SMG1: variants seen among roughly 807,000 people sequenced by gnomAD.
SMG1 encodes SMG1 nonsense mediated mRNA decay associated PI3K related kinase, also known as serine/threonine-protein kinase SMG1.
A neutral mutation model predicts 419.9 loss-of-function variants in SMG1; 22 were observed. That is an observed-to-expected ratio of 0.05 (90% CI 0.04 to 0.07). The LOEUF is 0.07. SMG1 is among the 10% of genes least tolerant of loss of function. The probability of loss-of-function intolerance (pLI) is 1.00; values close to 1 mark genes in which losing one functional copy is unlikely to be tolerated. For synonymous variants in SMG1, 1,538 were observed against 1,553.5 expected (o/e 0.99, Z 0.23); for missense variants, 3,185 against 4,342.0 (o/e 0.73, Z 7.49).
At chr16:18,895,649 CA>C (rs1596617250) in intron 3 of SMG1, among the ~76,000 whole-genome samples, 1 of 150,618 alleles carries the variant, frequency 6.6e-6, no homozygotes, top group Admixed American at 6.6e-5. Flanking sequence ...ACCTACATAA[CA>C]AACCTGTACA....
At chr16:18,904,654 A>G (rs2037487008) in intron 1 of SMG1, among the ~76,000 whole-genome samples, 2 of 140,940 alleles carry the variant, frequency 1.4e-5, no homozygotes, top group Admixed American at 1.4e-4. Context: ...AATAAAATAA[A>G]GGCCGGGTGA....
intron 49 of SMG1, among the ~76,000 whole-genome samples, chr16:18,834,650 C>T (rs1327606350): frequency 2.0e-5 from 3 of 152,128 alleles, no homozygotes. Flanking sequence ...TGGTGGCACA[C>T]ACCTGTAGTC....
rs182083896 is a variant in SMG1, at chr16:18,861,080, A to C, written c.3696-304T>G. The C allele has an allele frequency of 2.5e-5, 7 of 274,578 alleles. No individual in the cohort carries two copies. The East Asian group carries it at 5.7e-4, about 23-fold the overall frequency. 17.0% of individuals were successfully genotyped at this position (274,578 alleles called of 1,614,324 possible). ...TTGCAGCCTGTTCTCTTCAGATCCT[A>C]ACACACTGACAGTAGACCTCTGCAG... On this transcript the variant is annotated intron_variant, in intron 25 of 62. Coordinates refer to ENST00000446231, the MANE Select transcript of SMG1 (RefSeq NM_015092.5).
chr16:18,859,328 A>G (rs2035088083), intron 27 of SMG1, 147 bp from the exon 28 acceptor site: 1 of 652,758 alleles, frequency 1.5e-6, no homozygotes, highest in Non-Finnish European at 2.6e-6. Context: ...AAATGATATT[A>G]GCAAGTCAAG....
chr16:18,885,814 A>G (rs1265985449), intron 6 of SMG1, 148 bp from the exon 7 acceptor site: 2 of 694,948 alleles, frequency 2.9e-6, no homozygotes, highest in Non-Finnish European at 4.5e-6. Flanking sequence ...AAAAAAAAAA[A>G]TTGACTTGTA....
At chr16:18,841,465 T>C (rs1030341834) in intron 41 of SMG1, 100 bp downstream of exon 41, 1 of 1,075,180 alleles carries the variant, frequency 9.3e-7, no homozygotes, top group Non-Finnish European at 1.4e-6. Flanking sequence ...TTTCCTTCTT[T>C]AACTGCTTAT....
In SMG1 at chr16:18,809,409, G is replaced by A. The variant is rs1309209194; in HGVS notation, c.*160C>T. On this transcript the variant is annotated 3_prime_UTR_variant, in exon 63 of 63. Coordinates refer to ENST00000446231, the MANE Select transcript of SMG1 (RefSeq NM_015092.5). ...GTATCCCTGAGTGCAGCTGTCCTGC[G>A]GGATTCACTTCCTAGTGCACCGAGA... 4.7e-6 allele frequency: 3 copies of A among 636,882 alleles called. No individual in the cohort carries two copies. The highest frequency in any genetic ancestry group is 2.5e-5 in the Admixed American group (1 of 39,760). The allele number at this position is 636,882 out of a possible 1,614,324, so 39.5% of individuals were successfully genotyped here.
At chr16:18,900,172 A>AT (rs5816016) in intron 1 of SMG1, 37,507 of 533,174 alleles carry the variant, frequency 0.07, 1,699 homozygotes, top group African/African-American at 0.16. Flanking sequence ...GGGTTCATAC[A>AT]TTAAAGCAAA....
Position 18,838,598 on chromosome 16 carries a change from G to A in SMG1, c.7037C>T (p.Thr2346Met), listed in dbSNP as rs781293265. The change falls in exon 43 of 63, where the codon ACG becomes ATG. Residue 2346 changes from threonine (T) to methionine (M), a missense_variant. This residue lies in a region of SMG1 where 60 missense variants were observed against 133.9 expected (regional missense o/e 0.45). Coordinates refer to ENST00000446231, the MANE Select transcript of SMG1 (RefSeq NM_015092.5). Reference protein sequence around the residue: ...RHLDNVLIDMTTGEVVHIDYN... With the variant: ...RHLDNVLIDMMTGEVVHIDYN... ...ATCTATGTGAACAACTTCTCCAGTC[G>A]TCATATCTATAAGAACATTATCCAG... is the stretch of plus-strand genomic sequence containing the variant. 22 of 1,613,138 alleles carry A rather than the reference G, an allele frequency of 1.4e-5. No individual in the cohort carries two copies. Among genetic ancestry groups the A allele is most frequent in the Admixed American group, 3.3e-5 (2 of 59,972 alleles).
At chr16:18,839,431 A>G (rs779326574) in intron 42 of SMG1, among the ~76,000 whole-genome samples, 4 of 152,116 alleles carry the variant, frequency 2.6e-5, no homozygotes, top group Non-Finnish European at 5.9e-5. Context: ...CTTATAAGTG[A>G]GAACATGCGG....
rs1266490080 is a variant in SMG1, at chr16:18,808,096, T to C, written c.*1473A>G. On this transcript the variant is annotated 3_prime_UTR_variant, in exon 63 of 63. Coordinates refer to ENST00000446231, the MANE Select transcript of SMG1 (RefSeq NM_015092.5). Reference sequence around the variant, plus strand: ...ATTTTAATTGTGTTCTATTTTGTATTGATACTTGATTTTAAGAACCCTATT... The same window carrying C: ...ATTTTAATTGTGTTCTATTTTGTATCGATACTTGATTTTAAGAACCCTATT... 1 of 152,238 alleles carries C rather than the reference T, an allele frequency of 6.6e-6. No individual in the cohort carries two copies. Among genetic ancestry groups the C allele is most frequent in the Non-Finnish European group, 1.5e-5 (1 of 68,050 alleles). 9.4% of individuals were successfully genotyped at this position (152,238 alleles called of 1,614,324 possible).
intron 2 of SMG1, 115 bp downstream of exon 2, chr16:18,896,678 A>C: frequency 2.9e-6 from 2 of 681,254 alleles, no homozygotes; most frequent in East Asian, 5.6e-5. Context: ...TGCATTTGTT[A>C]TTCATATTTT....
At position 18,805,639 on chromosome 16, in the gene SMG1, A is replaced by C. The variant is rs889149456; in HGVS notation, c.*3930T>G. The stretch of plus-strand genomic sequence containing the variant: ...CCCAACGTTTGGAAAAAATTGGGAC[A>C]CTTGCTAGTTCTTCCCTGTGGGAAG... On this transcript the variant is annotated 3_prime_UTR_variant, in exon 63 of 63. Coordinates refer to ENST00000446231, the MANE Select transcript of SMG1 (RefSeq NM_015092.5). 2 of 152,204 alleles carry C rather than the reference A, an allele frequency of 1.3e-5. No homozygotes were observed. The highest frequency in any genetic ancestry group is 2.9e-5 in the Non-Finnish European group (2 of 68,028). 9.4% of individuals were successfully genotyped at this position (152,204 alleles called of 1,614,324 possible).
Position 18,828,077 on chromosome 16 carries a change from T to C in SMG1, c.9695A>G (p.Lys3232Arg), listed in dbSNP as rs1433626307. Reference sequence around the variant, plus strand: ...TTCAATCTGGCTCAGGGTATGCAGCTTCTTTTTCATGCTGGTTAGGATAGC... The same window carrying C: ...TTCAATCTGGCTCAGGGTATGCAGCCTCTTTTTCATGCTGGTTAGGATAGC... ...RSAILTSMKKKLHTLSQIETS... is the reference protein window; with the variant it reads ...RSAILTSMKKRLHTLSQIETS... Residue 3232 changes from lysine to arginine, a missense_variant, in exon 55 of 63, where the codon AAG (lysine) becomes AGG (arginine). Physicochemically the swap from Lys to Arg is conservative, Grantham distance 26. Transcript: ENST00000446231. 5 of 1,613,364 alleles carry C rather than the reference T, an allele frequency of 3.1e-6. No individual in the cohort carries two copies. Among genetic ancestry groups the C allele is most frequent in the Non-Finnish European group, 4.2e-6 (5 of 1,179,656 alleles).
chr16:18,883,385 A>G (rs1258422814), intron 9 of SMG1, among the ~76,000 whole-genome samples: 1 of 152,230 alleles, frequency 6.6e-6, no homozygotes, highest in Non-Finnish European at 1.5e-5. Flanking sequence ...TCTCCTGTAC[A>G]TATGTAAGAG....
At chr16:18,856,640 C>G (rs2034928223) in intron 29 of SMG1, 1 of 152,126 alleles carries the variant, frequency 6.6e-6, no homozygotes, top group Non-Finnish European at 1.5e-5. Flanking sequence ...GCCCAGCCCA[C>G]ACCCGGGTGA....
chr16:18,854,595 T>C (rs1033812558), intron 30 of SMG1, 61 bp downstream of exon 30: 15 of 1,459,620 alleles, frequency 1.0e-5, no homozygotes, highest in Non-Finnish European at 1.4e-5. Context: ...ACATACACAG[T>C]AACATTCATA....
chr16:18,876,249 A>G lies in SMG1; in HGVS notation c.1765T>C (p.Cys589Arg). 1 of 1,611,796 alleles carries G rather than the reference A, an allele frequency of 6.2e-7. No individual in the cohort carries two copies. Among genetic ancestry groups the G allele is most frequent in the Non-Finnish European group, 8.5e-7 (1 of 1,179,702 alleles). ...LLHSLQLPEA[C>R]SEIKHEAFKN... is the part of the protein sequence containing the mutation. ...AAAGCCTCATGTTTTATTTCAGAACAGGCCTCAGGAAGTTGTAGACTGTGT... is the reference window on the plus strand; with the variant it reads ...AAAGCCTCATGTTTTATTTCAGAACGGGCCTCAGGAAGTTGTAGACTGTGT... The change falls in exon 13 of 63, where the codon TGT becomes CGT. Residue 589 changes from cysteine (C) to arginine (R), a missense_variant. By Grantham distance (180) the Cys-to-Arg change is radical. Transcript: ENST00000446231.
rs1346946978 is a variant in SMG1 at position 18,845,553 on chromosome 16, G to A, written c.6095C>T (p.Ala2032Val). Residue 2032 changes from alanine (A) to valine (V), a missense_variant, in exon 39 of 63, where the codon GCA becomes GTA. Around this residue, in one of 27 missense-constraint regions of SMG1, gnomAD observed 159 missense variants for 196.0 expected, o/e 0.81. Coordinates refer to ENST00000446231, the MANE Select transcript of SMG1 (RefSeq NM_015092.5). ...AAACCATTTTTCATGAGGTGTTTCT[G>A]CAGGAGCCGCTGTGATACTCCTCAC... ...EHVRSITAAP[A>V]ETPHEKWFQD... 2 of 1,613,738 alleles carry A rather than the reference G, an allele frequency of 1.2e-6. No homozygotes were observed. The highest frequency in any genetic ancestry group is 2.7e-5 in the African/African-American group (2 of 74,880).
Sources: allele counts gnomAD v4.1 joint callset (sites outside exome capture counted in the v4.1 genomes callset), GRCh38; gene constraint gnomAD v4.1.1; regional missense constraint gnomAD v4.1.1; transcripts MANE v1.5; gene names NCBI Gene and HGNC (gene_info 2026-07-23, HGNC 2026-07-21).